Variants in CYP4A11 observed in about 807,000 individuals in gnomAD.
CYP4A11 encodes the protein cytochrome P450 family 4 subfamily A member 11, also known as cytochrome P450 4A11.
CYP4A11 carries 52 observed loss-of-function variants against 57.7 expected under a neutral mutation model. The ratio of observed to expected loss-of-function variants is 0.90; its 90% confidence interval spans 0.72 to 1.14. The LOEUF is 1.14. Among genes scored for constraint, CYP4A11 ranks in the 50% most tolerant of loss-of-function variants. The probability of loss-of-function intolerance (pLI) is 0.00; values close to 1 mark genes in which losing one functional copy is unlikely to be tolerated. For synonymous variants in CYP4A11, 228 were observed against 247.1 expected, an observed-to-expected ratio of 0.92 and a Z score of 0.72; for missense variants, 641 against 642.1, an observed-to-expected ratio of 1.00 and a Z score of 0.02.
At chr1:46,936,853 G>T in intron 3 of CYP4A11, 62 bp from the exon 4 acceptor site, 1 of 1,543,924 alleles carries the variant, frequency 6.5e-7, no homozygotes, top group South Asian at 1.3e-5. Context: ...GTCAGGGGCT[G>T]CAAGGAGCTA....
intron 4 of CYP4A11, among the ~76,000 whole-genome samples, chr1:46,935,950 A>G (rs1219400422): frequency 6.6e-6 from 1 of 152,202 alleles, no homozygotes; most frequent in African/African-American, 2.4e-5. Flanking sequence ...TGAAAATTGT[A>G]TTGCTATTGT....
At chr1:46,935,953 G>A (rs1205157485) in intron 4 of CYP4A11, among the ~76,000 whole-genome samples, 1 of 152,200 alleles carries the variant, frequency 6.6e-6, no homozygotes, top group Non-Finnish European at 1.5e-5. Context: ...AAATTGTATT[G>A]CTATTGTTGT....
chr1:46,933,002 T>C lies in CYP4A11; in HGVS notation c.1268A>G (p.Lys423Arg), dbSNP rs550368607. The change falls in exon 10 of 12, where the codon AAA (lysine) becomes AGA (arginine). Residue 423 changes from lysine to arginine, a missense_variant. Lys to Arg is a conservative substitution (Grantham distance 26). Transcript: ENST00000310638. ...LSIYGLHHNP[K>R]VWPNPEVFDP... ...ACATACCTCTGGGTTGGGCCACACT[T>C]TTGGGTTGTGGTGAAGGCCATAAAT... The C allele has an allele frequency of 1.2e-6, 2 of 1,614,066 alleles. No individual in the cohort carries two copies. Among genetic ancestry groups the C allele is most frequent in the Non-Finnish European group, 8.5e-7 (1 of 1,180,012 alleles).
chr1:46,938,201 G>A (rs1570103101), intron 1 of CYP4A11, 64 bp from the exon 2 acceptor site: 1 of 1,600,728 alleles, frequency 6.2e-7, no homozygotes, highest in Non-Finnish European at 8.5e-7. Context: ...CAGGAGTGAA[G>A]GGCAGGACAA....
chr1:46,932,239 T>C, intron 11 of CYP4A11: 2 of 1,001,094 alleles, frequency 2.0e-6, no homozygotes, highest in Non-Finnish European at 2.4e-6. Flanking sequence ...CTCTCCCTTA[T>C]ATGACTTGAA....
intron 8 of CYP4A11, 45 bp from the exon 9 acceptor site, chr1:46,934,124 AG>A (rs1458699108): frequency 6.2e-6 from 10 of 1,609,768 alleles, no homozygotes; most frequent in Non-Finnish European, 7.6e-6. Flanking sequence ...TGGGCAGACC[AG>A]GGGCCCCTGT....
intron 2 of CYP4A11, 110 bp from the exon 3 acceptor site, chr1:46,937,456 C>A: frequency 8.7e-7 from 1 of 1,153,154 alleles, no homozygotes; most frequent in Non-Finnish European, 1.3e-6. Context: ...CCCATGTCAC[C>A]TCCCACTTGA....
At chr1:46,930,380 C>G (rs1680946409) in intron 11 of CYP4A11, 70 bp from the exon 12 acceptor site, 2 of 1,528,848 alleles carry the variant, frequency 1.3e-6, no homozygotes, top group East Asian at 4.5e-5. Flanking sequence ...AGGTTTTGGC[C>G]CCTGACCCCA....
At chr1:46,939,204 C>T (rs1681602434) in intron 1 of CYP4A11, among the ~76,000 whole-genome samples, 1 of 152,192 alleles carries the variant, frequency 6.6e-6, no homozygotes, top group Non-Finnish European at 1.5e-5. Flanking sequence ...GAATATCTGC[C>T]CATCTCCTTC....
intron 10 of CYP4A11, 30 bp downstream of exon 10, chr1:46,932,953 C>A (rs1681118210): frequency 8.7e-6 from 14 of 1,614,066 alleles, no homozygotes; most frequent in Non-Finnish European, 1.2e-5. Flanking sequence ...TGAGGGATCA[C>A]CTCATTTCCT....
chr1:46,934,342 C>T lies in CYP4A11; in HGVS notation c.922G>A (p.Asp308Asn). Residue 308 changes from aspartate (D) to asparagine (N), a missense_variant, in exon 8 of 12, where the codon GAC becomes AAC. Transcript: ENST00000310638. ...TCCACCTCAGCACGGAGGTCCTTGTCTGACAAGATGCTCCCATTCTCCATC... is the reference window on the plus strand; with the variant it reads ...TCCACCTCAGCACGGAGGTCCTTGTTTGACAAGATGCTCCCATTCTCCATC... ...AKMENGSILS[D>N]KDLRAEVDTF... 6.3e-7 allele frequency: 1 copy of T among 1,594,094 alleles called. No individual in the cohort carries two copies. The highest frequency in any genetic ancestry group is 8.6e-7 in the Non-Finnish European group (1 of 1,168,650).
intron 1 of CYP4A11, among the ~76,000 whole-genome samples, chr1:46,939,903 AC>A (rs1352201262): frequency 6.9e-6 from 1 of 145,384 alleles, no homozygotes; most frequent in Non-Finnish European, 1.5e-5. Flanking sequence ...TAGGGTTAGA[AC>A]TTTGGCAGGT....
intron 2 of CYP4A11, among the ~76,000 whole-genome samples, 191 bp downstream of exon 2, chr1:46,937,805 T>C (rs1681504997): frequency 6.6e-6 from 1 of 152,234 alleles, no homozygotes; most frequent in East Asian, 1.9e-4. Flanking sequence ...CAGCCCCACA[T>C]ATTGTTTTAA....
chr1:46,935,293 T>C (rs1681314866), intron 5 of CYP4A11, 139 bp from the exon 6 acceptor site: 5 of 1,206,356 alleles, frequency 4.1e-6, no homozygotes, highest in Non-Finnish European at 5.8e-6. Context: ...TACAGCCCTA[T>C]TATCCTTTGG....
At position 46,934,437 on chromosome 1, in the gene CYP4A11, T is replaced by G; in HGVS notation, c.897+16A>C. 6.2e-7 allele frequency: 1 copy of G among 1,612,500 alleles called. No individual in the cohort carries two copies. Among genetic ancestry groups the G allele is most frequent in the Non-Finnish European group, 8.5e-7 (1 of 1,179,178 alleles). On this transcript the variant is annotated intron_variant, in intron 7 of 11. Coordinates refer to ENST00000310638, the MANE Select transcript of CYP4A11 (RefSeq NM_000778.4). The stretch of plus-strand genomic sequence containing the variant: ...ACTTCTGGGCAAAGACTCAGGCCTC[T>G]CCTACACATACTCACTTTGGCCAAG...
At chr1:46,931,867 C>A in intron 11 of CYP4A11, 3 of 931,836 alleles carry the variant, frequency 3.2e-6, no homozygotes, top group Non-Finnish European at 3.8e-6. Context: ...CCTGATGCCA[C>A]AATGATCTCC....
In CYP4A11 at chr1:46,934,459, C is replaced by T. The variant is rs1479710388; in HGVS notation, c.891G>A (p.Leu297=). ...CTCTCCTACACATACTCACTTTGGC[C>T]AAGAGGAGGATATCCAGAAAATCCA... is the stretch of plus-strand genomic sequence containing the variant. ...RHLDFLDILL[L]AKMENGSILS... is the part of the protein sequence containing the mutation. Residue 297 remains leucine, a synonymous_variant, in exon 7 of 12, where the codon TTG becomes TTA. Coordinates refer to ENST00000310638, the MANE Select transcript of CYP4A11 (RefSeq NM_000778.4). 1.2e-6 allele frequency: 2 copies of T among 1,613,588 alleles called. No individual in the cohort carries two copies. The highest frequency in any genetic ancestry group is 3.3e-5 in the Admixed American group (2 of 59,980).
intron 1 of CYP4A11, chr1:46,940,687 C>A (rs2148468424): frequency 1.0e-6 from 1 of 985,434 alleles, no homozygotes; most frequent in East Asian, 1.1e-4. Context: ...CTTACTTAGC[C>A]AGTTGGTCCC....
In CYP4A11 at chr1:46,937,347, C is replaced by A; in HGVS notation, c.338-1G>T. 3.7e-6 allele frequency: 6 copies of A among 1,613,974 alleles called. No individual in the cohort carries two copies. Among genetic ancestry groups the A allele is most frequent in the Non-Finnish European group, 5.1e-6 (6 of 1,179,930 alleles). On this transcript the variant is annotated splice_acceptor_variant, in intron 2 of 11. Coordinates refer to ENST00000310638, the MANE Select transcript of CYP4A11 (RefSeq NM_000778.4). LOFTEE classifies it high-confidence loss of function. The stretch of plus-strand genomic sequence containing the variant: ...CTGTAGGAACCATGGGATTTCGGGT[C>A]TGAAAGGCAAGAAAGGGCTTTATAG...
Sources: gnomAD v4.1 joint callset for allele counts (sites outside exome capture counted in the v4.1 genomes callset) on GRCh38, gnomAD v4.1.1 for gene constraint, MANE v1.5 for transcripts, NCBI Gene and HGNC (gene_info 2026-07-23, HGNC 2026-07-21) for gene names.